The following RBL1 variants were observed in gnomAD, a reference collection of about 807,000 sequenced individuals.
RBL1 encodes the protein RB transcriptional corepressor like 1.
RBL1 carries 82 observed loss-of-function variants against 123.0 expected under a neutral mutation model. The observed-to-expected ratio is 0.67, with a 90% CI of 0.56 to 0.80. The LOEUF (loss-of-function observed/expected upper bound fraction) is 0.80. Among genes scored for constraint, RBL1 ranks in the 30% least tolerant of loss-of-function variants. The probability of loss-of-function intolerance (pLI) is 0.00; values close to 1 mark genes in which losing one functional copy is unlikely to be tolerated. For synonymous variants in RBL1, 405 were observed against 441.3 expected (o/e 0.92, Z 1.03); for missense variants, 1,171 against 1,299.6 (o/e 0.90, Z 1.52).
chr20:37,018,353 A>C lies in RBL1; in HGVS notation c.2648T>G (p.Leu883Arg), dbSNP rs2064289621. ...AACTTCTCTTGGAATACTTTTCAGC[A>C]GAACACTTCTATATACCTACATGCC... Reference protein sequence around the residue: ...QANSHVYRSVLLKSIPREVVA... With the variant: ...QANSHVYRSVRLKSIPREVVA... Residue 883 changes from leucine to arginine, a missense_variant, in exon 19 of 22, where the codon CTG becomes CGG. Leu to Arg is a moderately radical substitution (Grantham distance 102, BLOSUM62 -2). Coordinates refer to ENST00000373664, the MANE Select transcript of RBL1 (RefSeq NM_002895.5). The C allele has an allele frequency of 1.2e-6, 2 of 1,612,216 alleles. No individual in the cohort carries two copies. The highest frequency in any genetic ancestry group is 2.2e-5 in the South Asian group (2 of 90,542).
chr20:37,018,410 A>G (rs1287679208), intron 18 of RBL1, 41 bp from the exon 19 acceptor site: 8 of 1,565,240 alleles, frequency 5.1e-6, no homozygotes, highest in Admixed American at 2.1e-5. Flanking sequence ...TCAGTCACAG[A>G]GGTACAGGTT....
chr20:37,032,911 T>C, intron 15 of RBL1, 35 bp from the exon 16 acceptor site: 1 of 1,610,416 alleles, frequency 6.2e-7, no homozygotes, highest in South Asian at 1.1e-5. Flanking sequence ...ATAATCTGCA[T>C]ATGTTCTAGG....
intron 2 of RBL1, among the ~76,000 whole-genome samples, chr20:37,068,923 C>G (rs2065228706): frequency 6.6e-6 from 1 of 152,266 alleles, no homozygotes; most frequent in South Asian, 2.1e-4. Flanking sequence ...GTACTGCTGC[C>G]ATCTCGGCTC....
At position 36,998,702 on chromosome 20, in the gene RBL1, C is replaced by A. The variant is rs2063915714; in HGVS notation, c.*57G>T. 8.1e-6 allele frequency: 12 copies of A among 1,484,112 alleles called. No homozygotes were observed. The highest frequency in any genetic ancestry group is 1.1e-5 in the Non-Finnish European group (12 of 1,090,476). 91.9% of individuals were successfully genotyped at this position (1,484,112 alleles called of 1,614,324 possible). A position where few individuals can be genotyped will look rare whatever the true frequency, so the allele number is the denominator to read the frequency against. ...GGGCTAAAAGGTTTGAAGGACAGAG[C>A]TCCAACTTTCTGCAGAACAATCTGA... On this transcript the variant is annotated 3_prime_UTR_variant, in exon 22 of 22. Coordinates refer to ENST00000373664, the MANE Select transcript of RBL1 (RefSeq NM_002895.5).
chr20:37,036,626 C>CTT (rs11340151), intron 14 of RBL1, among the ~76,000 whole-genome samples: 6 of 107,840 alleles, frequency 5.6e-5, no homozygotes, highest in South Asian at 2.8e-4. Context: ...ATTTTCTTTT[C>CTT]TTTTTTTTTT....
At chr20:37,049,238 G>A (rs1263924580) in intron 11 of RBL1, 3 of 472,674 alleles carry the variant, frequency 6.3e-6, no homozygotes, top group Non-Finnish European at 1.1e-5. Flanking sequence ...AAAATTTAAA[G>A]ATCCGCCATC....
chr20:37,049,994 G>A (rs192016892), intron 11 of RBL1, among the ~76,000 whole-genome samples: 82 of 151,370 alleles, frequency 5.4e-4, no homozygotes, highest in Non-Finnish European at 9.0e-4. Flanking sequence ...CCTGGGAGGC[G>A]GAGGTTGCGG....
At chr20:37,082,525 C>T (rs2065469538) in intron 2 of RBL1, among the ~76,000 whole-genome samples, 1 of 152,108 alleles carries the variant, frequency 6.6e-6, no homozygotes. Flanking sequence ...AGTTTACCCT[C>T]CATATCTGTG....
rs762282174 is a variant in RBL1 at position 37,065,828 on chromosome 20, C to T, written c.847-355G>A. 9.9e-5 allele frequency among the ~76,000 whole-genome samples: 15 copies of T among 151,932 alleles called. 1 individual carries two copies. Among genetic ancestry groups the T allele is most frequent in the Admixed American group, 2.6e-4 (4 of 15,234 alleles). ...AAGGTTTTGCCATGTTGCTCAGGTT[C>T]GTCTGGAACTCTTGGGCTCAAGCAA... is the stretch of plus-strand genomic sequence containing the variant. On this transcript the variant is annotated intron_variant, in intron 6 of 21. Coordinates refer to ENST00000373664, the MANE Select transcript of RBL1 (RefSeq NM_002895.5).
intron 2 of RBL1, chr20:37,082,168 C>T (rs562109152): frequency 4.7e-4 from 163 of 346,674 alleles, no homozygotes; most frequent in Non-Finnish European, 7.4e-4. Context: ...CAGGGACCTG[C>T]GTACCTCCTT....
chr20:37,000,556 C>T (rs1404565314), intron 21 of RBL1, among the ~76,000 whole-genome samples: 1 of 138,772 alleles, frequency 7.2e-6, no homozygotes, highest in Admixed American at 6.9e-5. Flanking sequence ...AGTGAGGAGC[C>T]CCTCTGCCCG....
intron 2 of RBL1, among the ~76,000 whole-genome samples, chr20:37,087,834 T>G (rs1012783229): frequency 6.6e-6 from 1 of 152,240 alleles, no homozygotes; most frequent in African/African-American, 2.4e-5. Flanking sequence ...GCAGGTTAAA[T>G]AAAATTATTT....
chr20:37,039,461 G>A (rs1412251218), intron 14 of RBL1, among the ~76,000 whole-genome samples: 1 of 152,144 alleles, frequency 6.6e-6, no homozygotes, highest in African/African-American at 2.4e-5. Context: ...ATGGGGGTGG[G>A]TCTTTCCCAT....
intron 12 of RBL1, among the ~76,000 whole-genome samples, chr20:37,046,167 C>T (rs1054502308): frequency 3.9e-5 from 6 of 152,162 alleles, no homozygotes; most frequent in East Asian, 1.9e-4. Flanking sequence ...TCTATTATTA[C>T]GGCTTTATTA....
chr20:37,049,347 G>A, intron 11 of RBL1: 1 of 690,582 alleles, frequency 1.4e-6, no homozygotes, highest in Non-Finnish European at 2.6e-6. Context: ...CAAGATCCAG[G>A]ATAAGGAAGG....
At chr20:37,046,009 T>C (rs931643680) in intron 12 of RBL1, among the ~76,000 whole-genome samples, 2 of 152,174 alleles carry the variant, frequency 1.3e-5, no homozygotes, top group African/African-American at 4.8e-5. Context: ...TGACTAAACG[T>C]TATTGAGGGT....
At position 37,056,766 on chromosome 20, in the gene RBL1, T is replaced by C. The variant is rs2065014315; in HGVS notation, c.1251-508A>G. 3.9e-5 allele frequency among the ~76,000 whole-genome samples: 6 copies of C among 152,330 alleles called. No individual in the cohort carries two copies. In the South Asian group the frequency reaches 1.2e-3, roughly 32 times the overall value. On this transcript the variant is annotated intron_variant, in intron 9 of 21. Transcript: ENST00000373664. ...TAAAATATTTTAACACGTAAAATTA[T>C]ATAATAAAAATACAGATTGTATACA...
intron 14 of RBL1, among the ~76,000 whole-genome samples, chr20:37,039,785 A>T (rs1323918514): frequency 6.6e-6 from 1 of 151,778 alleles, no homozygotes; most frequent in Non-Finnish European, 1.5e-5. Context: ...TATTTCGCCC[A>T]GGCTGGGTTC....
intron 19 of RBL1, among the ~76,000 whole-genome samples, chr20:37,015,301 A>G (rs1224210130): frequency 6.6e-6 from 1 of 152,178 alleles, no homozygotes; most frequent in Non-Finnish European, 1.5e-5. Flanking sequence ...TTCTCATAGA[A>G]AAAACACAAA....
Sources: allele counts gnomAD v4.1 joint callset (sites outside exome capture counted in the v4.1 genomes callset), GRCh38; gene constraint gnomAD v4.1.1; transcripts MANE v1.5; gene names NCBI Gene and HGNC (gene_info 2026-07-23, HGNC 2026-07-21).